The following PLPP7 variants were observed in gnomAD, a reference collection of about 807,000 sequenced individuals.
PLPP7 encodes phospholipid phosphatase 7 (inactive).
A neutral mutation model predicts 16.9 loss-of-function variants in PLPP7; 11 were observed. That is an observed-to-expected ratio of 0.65 (90% confidence interval 0.41 to 1.08). The LOEUF is 1.08. Among genes scored for constraint, PLPP7 ranks in the 50% least tolerant of loss-of-function variants. The probability of loss-of-function intolerance (pLI) is 0.00; values close to 1 mark genes in which losing one functional copy is unlikely to be tolerated. For synonymous variants in PLPP7, 174 were observed against 175.1 expected (o/e 0.99, Z 0.05); for missense variants, 358 against 397.1 (o/e 0.90, Z 0.84).
chr9:131,300,964 G>T (rs1008937078), intron 1 of PLPP7, among the ~76,000 whole-genome samples: 2 of 151,844 alleles, frequency 1.3e-5, no homozygotes, highest in Non-Finnish European at 2.9e-5. Flanking sequence ...ATTTATTTAT[G>T]TATTTATTTA....
At chr9:131,304,169 A>G (rs770411039) in intron 1 of PLPP7, among the ~76,000 whole-genome samples, 4 of 152,064 alleles carry the variant, frequency 2.6e-5, no homozygotes, top group Non-Finnish European at 5.9e-5. Context: ...GTTGACCTGG[A>G]ACCCCCACAT....
intron 1 of PLPP7, among the ~76,000 whole-genome samples, chr9:131,293,422 C>T (rs1383212668): frequency 4.6e-5 from 7 of 152,262 alleles, no homozygotes; most frequent in South Asian, 4.1e-4. Context: ...CTGGGGACCC[C>T]GAGGTCACTC....
intron 1 of PLPP7, among the ~76,000 whole-genome samples, chr9:131,298,414 C>A (rs1321010622): frequency 5.3e-5 from 8 of 152,182 alleles, no homozygotes; most frequent in Non-Finnish European, 1.2e-4. Flanking sequence ...AAACCCAGCC[C>A]TTCGCAGCCT....
chr9:131,297,415 T>G (rs1305333660), intron 1 of PLPP7, among the ~76,000 whole-genome samples: 2 of 151,656 alleles, frequency 1.3e-5, no homozygotes, highest in Non-Finnish European at 2.9e-5. Context: ...GAAGAGAGTC[T>G]TGCTCTGTCA....
rs752847529 is a variant in PLPP7 at position 131,308,167 on chromosome 9, C to G, written c.696C>G (p.Ile232Met). Residue 232 changes from isoleucine (I) to methionine (M), a missense_variant, in exon 2 of 2, where the codon ATC becomes ATG. Physicochemically the swap from Ile to Met is conservative, Grantham distance 10. Coordinates refer to ENST00000372264, the MANE Select transcript of PLPP7 (RefSeq NM_032728.4). ...ALCVGLSRVM[I>M]GRHHVTDVLS... ...GCGTGGGCCTGTCCCGCGTGATGAT[C>G]GGCCGCCACCACGTCACGGACGTCC... The G allele has an allele frequency of 1.9e-6, 3 of 1,600,398 alleles. No homozygotes were observed. Among genetic ancestry groups the G allele is most frequent in the Non-Finnish European group, 2.5e-6 (3 of 1,179,830 alleles).
chr9:131,292,893 G>A (rs1334719595), intron 1 of PLPP7: 1 of 985,222 alleles, frequency 1.0e-6, no homozygotes, highest in Non-Finnish European at 1.2e-6. Context: ...AGCTGCCATG[G>A]GCACAAAGCT....
chr9:131,297,313 T>A (rs1835744470), intron 1 of PLPP7, among the ~76,000 whole-genome samples: 1 of 152,096 alleles, frequency 6.6e-6, no homozygotes, highest in African/African-American at 2.4e-5. Context: ...TCAGTCTTTC[T>A]ATTGATGATC....
intron 1 of PLPP7, among the ~76,000 whole-genome samples, chr9:131,299,707 A>G (rs991497224): frequency 5.3e-5 from 8 of 152,270 alleles, no homozygotes; most frequent in Non-Finnish European, 1.0e-4. Flanking sequence ...TGATAGAGTA[A>G]CGCTCTGTGT....
chr9:131,299,934 G>A (rs1050201495), intron 1 of PLPP7, among the ~76,000 whole-genome samples: 35 of 152,326 alleles, frequency 2.3e-4, no homozygotes, highest in African/African-American at 8.2e-4. Context: ...GGGAAGAAAG[G>A]GGGCAGATAC....
At position 131,308,361 on chromosome 9, in the gene PLPP7, C is replaced by G; in HGVS notation, c.*74C>G. The G allele has an allele frequency of 2.0e-6, 3 of 1,481,564 alleles. No homozygotes were observed. The highest frequency in any genetic ancestry group is 2.7e-6 in the Non-Finnish European group (3 of 1,117,288). The allele number at this position is 1,481,564 out of a possible 1,614,324, so 91.8% of individuals were successfully genotyped here. A position where few individuals can be genotyped will look rare whatever the true frequency, so the allele number is the denominator to read the frequency against. ...GAAGGGGCAGGGGGTGGCGAGGTGG[C>G]GGGCGTGGGTGGAACAGAGCGGCCA... is the stretch of plus-strand genomic sequence containing the variant. On this transcript the variant is annotated 3_prime_UTR_variant, in exon 2 of 2. Transcript: ENST00000372264.
rs1835643424 is a variant in PLPP7 at position 131,289,936 on chromosome 9, T to G, written c.-62T>G. ...GGCGGCTCTGGGGGCAGCTCTTGTC[T>G]TCGGGGAGAAGGCCCTTGGAGCCGG... is the stretch of plus-strand genomic sequence containing the variant. On this transcript the variant is annotated 5_prime_UTR_variant, in exon 1 of 2. Coordinates refer to ENST00000372264, the MANE Select transcript of PLPP7 (RefSeq NM_032728.4). 7.5e-7 allele frequency: 1 copy of G among 1,329,260 alleles called. No individual in the cohort carries two copies. The highest frequency in any genetic ancestry group is 3.5e-5 in the Admixed American group (1 of 28,684). The allele number at this position is 1,329,260 out of a possible 1,614,324, so 82.3% of individuals were successfully genotyped here. A position where few individuals can be genotyped will look rare whatever the true frequency, so the allele number is the denominator to read the frequency against.
chr9:131,304,787 C>A (rs560582314), intron 1 of PLPP7, among the ~76,000 whole-genome samples: 1 of 152,246 alleles, frequency 6.6e-6, no homozygotes, highest in Non-Finnish European at 1.5e-5. Context: ...CCTGCCTCCA[C>A]GAAGTGATGA....
chr9:131,308,032 C>T lies in PLPP7; in HGVS notation c.561C>T (p.Tyr187=), dbSNP rs139765954. 2.9e-5 allele frequency: 46 copies of T among 1,601,138 alleles called. No homozygotes were observed. In the African/African-American group the frequency reaches 4.4e-4, roughly 15 times the overall value. The change falls in exon 2 of 2, where the codon TAC becomes TAT. Residue 187 remains tyrosine (Y), a synonymous_variant. Transcript: ENST00000372264. ...SLLDYLTMDI[Y]AFPAGHASRA... ...TGGACTACCTCACCATGGACATCTA[C>T]GCCTTCCCGGCCGGGCACGCCAGCC...
In PLPP7 at chr9:131,289,939, G is replaced by C. The variant is rs538933662; in HGVS notation, c.-59G>C. 3.8e-6 allele frequency: 5 copies of C among 1,332,736 alleles called. No homozygotes were observed. The highest frequency in any genetic ancestry group is 4.8e-6 in the Non-Finnish European group (5 of 1,038,024). 82.6% of individuals were successfully genotyped at this position (1,332,736 alleles called of 1,614,324 possible). Reference sequence around the variant, plus strand: ...GGCTCTGGGGGCAGCTCTTGTCTTCGGGGAGAAGGCCCTTGGAGCCGGGCT... The same window carrying C: ...GGCTCTGGGGGCAGCTCTTGTCTTCCGGGAGAAGGCCCTTGGAGCCGGGCT... On this transcript the variant is annotated 5_prime_UTR_variant, in exon 1 of 2. Transcript: ENST00000372264.
rs1043200753 is a variant in PLPP7, at chr9:131,289,787, T to C, written c.-211T>C. 63 of 409,850 alleles carry C rather than the reference T, an allele frequency of 1.5e-4. No homozygotes were observed. In the East Asian group the frequency reaches 1.8e-3, roughly 12 times the overall value. 25.4% of individuals were successfully genotyped at this position (409,850 alleles called of 1,614,324 possible). On this transcript the variant is annotated 5_prime_UTR_variant, in exon 1 of 2. Coordinates refer to ENST00000372264, the MANE Select transcript of PLPP7 (RefSeq NM_032728.4). ...GCAGGCCCCGCATTGGAGGGCTCGA[T>C]TGGCTGCCCGGCTGGCACTGACGTC...
rs541173446 is a variant in PLPP7 at position 131,290,976 on chromosome 9, C to T, written c.451+528C>T. 6 of 1,034,314 alleles carry T rather than the reference C, an allele frequency of 5.8e-6. No individual in the cohort carries two copies. The highest frequency in any genetic ancestry group is 8.2e-6 in the Non-Finnish European group (6 of 727,894). 64.1% of individuals were successfully genotyped at this position (1,034,314 alleles called of 1,614,324 possible). A position where few individuals can be genotyped will look rare whatever the true frequency, so the allele number is the denominator to read the frequency against. ...AGGGTCTGGGGACCCAGGGAGTTCC[C>T]CTGGGACTGCCACCCACTCACAGCC... On this transcript the variant is annotated intron_variant, in intron 1 of 1. Coordinates refer to ENST00000372264, the MANE Select transcript of PLPP7 (RefSeq NM_032728.4). The surrounding 1 kb of genome is among the most constrained non-coding windows in gnomAD (Gnocchi z 4.2).
intron 1 of PLPP7, among the ~76,000 whole-genome samples, chr9:131,298,306 G>A (rs765150091): frequency 5.3e-5 from 8 of 152,050 alleles, no homozygotes; most frequent in African/African-American, 1.4e-4. Context: ...CCAACCTTCC[G>A]GAAGCCAGAA....
chr9:131,299,024 T>C (rs533490840), intron 1 of PLPP7, among the ~76,000 whole-genome samples: 1 of 152,240 alleles, frequency 6.6e-6, no homozygotes, highest in South Asian at 2.1e-4. Flanking sequence ...TCCTCTGACA[T>C]GGTCCCGGGG....
chr9:131,305,531 G>A (rs924352431), intron 1 of PLPP7, among the ~76,000 whole-genome samples: 2 of 151,634 alleles, frequency 1.3e-5, no homozygotes, highest in African/African-American at 4.8e-5. Context: ...TCCAGCCTGG[G>A]CAACAGAAAG....
Sources: gnomAD v4.1 joint callset for allele counts (sites outside exome capture counted in the v4.1 genomes callset) on GRCh38, gnomAD v4.1.1 for gene constraint, Gnocchi (gnomAD v3.1) non-coding constraint, MANE v1.5 for transcripts, NCBI Gene and HGNC (gene_info 2026-07-23, HGNC 2026-07-21) for gene names.